Variants in BNC2 observed in about 807,000 individuals in gnomAD.
The protein encoded by BNC2 is zinc finger protein basonuclin-2.
Under a neutral mutation model 76.3 loss-of-function variants are expected in BNC2, and 20 were observed. That is an observed-to-expected ratio of 0.26 (90% CI 0.18 to 0.38). The LOEUF is 0.38. Ranked by LOEUF, BNC2 falls within the 10% of genes least tolerant of loss-of-function variation. The probability of loss-of-function intolerance (pLI) is 1.00; values close to 1 mark genes in which losing one functional copy is unlikely to be tolerated. For synonymous variants in BNC2, 582 were observed against 514.8 expected (o/e 1.13, Z -1.77); for missense variants, 1,382 against 1,399.8 (o/e 0.99, Z 0.20).
chr9:16,820,609 C>G (rs1039766921), intron 1 of BNC2, among the ~76,000 whole-genome samples: 1 of 152,082 alleles, frequency 6.6e-6, no homozygotes, highest in African/African-American at 2.4e-5. Flanking sequence ...AAGTGGGAAG[C>G]TTGTTACTCT....
intron 1 of BNC2, among the ~76,000 whole-genome samples, chr9:16,773,677 T>G (rs948484557): frequency 2.6e-5 from 4 of 152,184 alleles, no homozygotes; most frequent in Non-Finnish European, 5.9e-5. Flanking sequence ...TTACCAAGTC[T>G]TAACATGAGA....
intron 3 of BNC2, among the ~76,000 whole-genome samples, chr9:16,643,111 T>TATA (rs1821533307): frequency 6.6e-6 from 1 of 152,056 alleles, no homozygotes; most frequent in African/African-American, 2.4e-5. Flanking sequence ...CAGACCTGTC[T>TATA]TTTCTATATA....
At chr9:16,502,135 G>T (rs1822532008) in intron 5 of BNC2, among the ~76,000 whole-genome samples, 1 of 152,098 alleles carries the variant, frequency 6.6e-6, no homozygotes, top group Non-Finnish European at 1.5e-5. Flanking sequence ...AGTCGAGATG[G>T]GAGGATAACT....
intron 3 of BNC2, among the ~76,000 whole-genome samples, chr9:16,680,588 C>T (rs1041753013): frequency 1.4e-5 from 2 of 147,904 alleles, no homozygotes; most frequent in African/African-American, 5.0e-5. Flanking sequence ...AAAAAAAAAA[C>T]GTTGATCTTA....
rs538692388 is a variant in BNC2 at position 16,863,284 on chromosome 9, T to C, written c.3+7362A>G. Among the ~76,000 whole-genome samples, 152 of 152,318 alleles carry C rather than the reference T, an allele frequency of 1.0e-3. 1 individual carries two copies. The highest frequency in any genetic ancestry group is 3.4e-3 in the African/African-American group (142 of 41,588). The stretch of plus-strand genomic sequence containing the variant: ...GCTGGGGCATAGCCCTAGGATAGGA[T>C]AGCTGGGCATTTAGCATCCCACCTG... On this transcript the variant is annotated intron_variant, in intron 1 of 6. Coordinates refer to ENST00000380672, the MANE Select transcript of BNC2 (RefSeq NM_017637.6).
chr9:16,488,784 A>G (rs1822215923), intron 5 of BNC2, among the ~76,000 whole-genome samples: 1 of 152,200 alleles, frequency 6.6e-6, no homozygotes, highest in Non-Finnish European at 1.5e-5. Flanking sequence ...ATCAAAACCA[A>G]AACAGTCTTA....
At chr9:16,537,633 T>C (rs1818171314) in intron 5 of BNC2, among the ~76,000 whole-genome samples, 1 of 137,020 alleles carries the variant, frequency 7.3e-6, no homozygotes, top group South Asian at 2.1e-4. Flanking sequence ...AGATGTATCT[T>C]TCATAAACCC....
chr9:16,444,625 G>A (rs983728911), intron 5 of BNC2, among the ~76,000 whole-genome samples: 3 of 152,120 alleles, frequency 2.0e-5, no homozygotes, highest in Non-Finnish European at 4.4e-5. Flanking sequence ...GTCAGCAAAT[G>A]GAAAACTCCT....
intron 1 of BNC2, among the ~76,000 whole-genome samples, chr9:16,760,019 G>T (rs900331894): frequency 1.3e-5 from 2 of 152,074 alleles, no homozygotes; most frequent in Admixed American, 6.6e-5. Flanking sequence ...CACCGCGCGG[G>T]GCCAGAGACA....
chr9:16,582,088 G>C (rs567540177), intron 4 of BNC2, among the ~76,000 whole-genome samples: 20 of 152,118 alleles, frequency 1.3e-4, no homozygotes, highest in Non-Finnish European at 2.8e-4. Context: ...CTGGATGTTT[G>C]GCACTGCTTG....
intron 3 of BNC2, among the ~76,000 whole-genome samples, chr9:16,638,259 G>T (rs1020171952): frequency 6.6e-6 from 1 of 152,058 alleles, no homozygotes; most frequent in Non-Finnish European, 1.5e-5. Context: ...GAAACCAAGT[G>T]CATAGACATA....
intron 1 of BNC2, among the ~76,000 whole-genome samples, chr9:16,845,901 G>A (rs1227293875): frequency 6.6e-6 from 1 of 151,966 alleles, no homozygotes; most frequent in African/African-American, 2.4e-5. Context: ...TGTAATCCCA[G>A]CACTTTGGGA....
chr9:16,421,819 T>C (rs921437313), intron 6 of BNC2, among the ~76,000 whole-genome samples: 1 of 152,196 alleles, frequency 6.6e-6, no homozygotes, highest in Non-Finnish European at 1.5e-5. Flanking sequence ...ATTATTCTAT[T>C]GATAAAACTA....
intron 5 of BNC2, among the ~76,000 whole-genome samples, chr9:16,516,467 CAACT>C (rs1445162400): frequency 2.6e-5 from 4 of 152,006 alleles, no homozygotes; most frequent in African/African-American, 9.6e-5. Flanking sequence ...CCTTCTATAC[CAACT>C]GAGATAAATA....
chr9:16,750,205 G>A (rs9987698), intron 1 of BNC2, among the ~76,000 whole-genome samples: 130,926 of 152,152 alleles, frequency 0.86, 56,728 homozygotes, highest in Non-Finnish European at 0.91. Context: ...GATAATTATA[G>A]GATTTCTAGT....
At chr9:16,567,480 C>A (rs1819202671) in intron 4 of BNC2, among the ~76,000 whole-genome samples, 1 of 152,032 alleles carries the variant, frequency 6.6e-6, no homozygotes, top group African/African-American at 2.4e-5. Flanking sequence ...TTTTTTATTT[C>A]TATTTTAAAT....
intron 1 of BNC2, among the ~76,000 whole-genome samples, chr9:16,816,225 C>T (rs1427855701): frequency 5.9e-5 from 9 of 152,092 alleles, no homozygotes; most frequent in African/African-American, 1.7e-4. Flanking sequence ...ATTTATCCCC[C>T]GTGTTTGGAC....
chr9:16,513,299 CTT>C (rs1202222924), intron 5 of BNC2, among the ~76,000 whole-genome samples: 2,017 of 85,384 alleles, frequency 0.024, 11 homozygotes, highest in African/African-American at 0.09. Flanking sequence ...AGAAAAGGTT[CTT>C]TTTTTTTTTT....
At chr9:16,694,636 C>A (rs1260102247) in intron 3 of BNC2, among the ~76,000 whole-genome samples, 1 of 152,038 alleles carries the variant, frequency 6.6e-6, no homozygotes, top group East Asian at 1.9e-4. Flanking sequence ...TGTCGAAGAT[C>A]AATGAATCAA....
Sources: allele counts gnomAD v4.1 joint callset (sites outside exome capture counted in the v4.1 genomes callset), GRCh38; gene constraint gnomAD v4.1.1; transcripts MANE v1.5; gene names NCBI Gene and HGNC (gene_info 2026-07-23, HGNC 2026-07-21).